The following ICA1 variants were observed in gnomAD, a reference collection of about 807,000 sequenced individuals.
ICA1 encodes islet cell autoantigen 1, also known as 69 kDa islet cell autoantigen.
ICA1 carries 40 observed loss-of-function variants against 71.0 expected under a neutral mutation model. The observed-to-expected ratio is 0.56, with a 90% confidence interval of 0.44 to 0.73. ICA1 has a LOEUF of 0.73. Ranked by LOEUF, ICA1 falls within the 30% of genes least tolerant of loss-of-function variation. The pLI is 0.00. For missense variants in ICA1, 578 were observed against 576.5 expected, an observed-to-expected ratio of 1.00 and a Z score of -0.03; for synonymous variants, 207 against 209.5, an observed-to-expected ratio of 0.99 and a Z score of 0.10.
chr7:8,139,908 C>G (rs953276915), intron 10 of ICA1, among the ~76,000 whole-genome samples: 1 of 152,150 alleles, frequency 6.6e-6, no homozygotes, highest in Non-Finnish European at 1.5e-5. Context: ...TGTTCATTAG[C>G]CTTTCTGCAA....
chr7:8,163,697 G>A (rs1184293500), intron 6 of ICA1, among the ~76,000 whole-genome samples: 1 of 152,196 alleles, frequency 6.6e-6, no homozygotes, highest in East Asian at 1.9e-4. Flanking sequence ...AGGGAGAGAA[G>A]TCCAGTGGAA....
rs1562470280 is a variant in ICA1 at position 8,113,693 on chromosome 7, C to T, written c.*230G>A. On this transcript the variant is annotated 3_prime_UTR_variant, in exon 14 of 14. Transcript: ENST00000402384. This position sits in a 1 kb window ranked among gnomAD's most constrained non-coding sequence, Gnocchi z 4.2. ...AGGCAGGAGAGCGGTGGCCTGGAAA[C>T]CGCTTCTAGACAATCCTGTATTATT... is the stretch of plus-strand genomic sequence containing the variant. 1 of 400,012 alleles carries T rather than the reference C, an allele frequency of 2.5e-6. No homozygotes were observed. The highest frequency in any genetic ancestry group is 2.0e-5 in the African/African-American group (1 of 49,446). The allele number at this position is 400,012 out of a possible 1,614,324, so 24.8% of individuals were successfully genotyped here.
At chr7:8,238,617 C>T (rs544804781) in intron 1 of ICA1, among the ~76,000 whole-genome samples, 2 of 152,134 alleles carry the variant, frequency 1.3e-5, no homozygotes, top group Admixed American at 6.5e-5. Flanking sequence ...ACTCTGTTGA[C>T]TATTTCCTTT....
chr7:8,242,190 A>C (rs1286619290), intron 1 of ICA1, among the ~76,000 whole-genome samples: 5 of 152,352 alleles, frequency 3.3e-5, no homozygotes, highest in African/African-American at 1.2e-4. Context: ...GCAAATGAAA[A>C]AGAACACAAG....
At position 8,185,850 on chromosome 7, in the gene ICA1, T is replaced by C. The variant is rs180768373; in HGVS notation, c.580-27198A>G. 1.7e-4 allele frequency among the ~76,000 whole-genome samples: 26 copies of C among 152,342 alleles called. No homozygotes were observed. The East Asian group carries it at 5.0e-3, about 29-fold the overall frequency. On this transcript the variant is annotated intron_variant, in intron 6 of 13. Transcript: ENST00000402384. The stretch of plus-strand genomic sequence containing the variant: ...GTATATTGATTATACATACAGTGCT[T>C]GGTGCATAGTAAGCACTCAAGAACT...
intron 4 of ICA1, 111 bp from the exon 5 acceptor site, chr7:8,221,509 GA>G: frequency 8.0e-7 from 1 of 1,252,728 alleles, no homozygotes; most frequent in East Asian, 2.5e-5. Context: ...AAGACGAGAT[GA>G]AATTAAATCT....
chr7:8,238,197 C>T (rs1488665804), intron 1 of ICA1, among the ~76,000 whole-genome samples: 1 of 152,144 alleles, frequency 6.6e-6, no homozygotes, highest in African/African-American at 2.4e-5. Context: ...CAGTTCTCTA[C>T]TTAATTTTTT....
At chr7:8,189,604 C>A (rs1191778951) in intron 6 of ICA1, among the ~76,000 whole-genome samples, 3 of 152,140 alleles carry the variant, frequency 2.0e-5, no homozygotes, top group African/African-American at 7.2e-5. Flanking sequence ...CCAGGCCAGG[C>A]CACAAAAGCC....
chr7:8,135,736 G>T (rs546216217), intron 12 of ICA1, among the ~76,000 whole-genome samples: 16 of 152,222 alleles, frequency 1.1e-4, no homozygotes, highest in Non-Finnish European at 2.1e-4. Context: ...AACCAAGGAG[G>T]TAGCAGGAGA....
intron 8 of ICA1, among the ~76,000 whole-genome samples, chr7:8,149,635 C>T (rs932953058): frequency 6.6e-6 from 1 of 152,204 alleles, no homozygotes; most frequent in Non-Finnish European, 1.5e-5. Flanking sequence ...AGGCCAGCAG[C>T]CAGTTCTAAT....
chr7:8,142,883 G>A (rs1255084898), intron 9 of ICA1, among the ~76,000 whole-genome samples: 3 of 152,184 alleles, frequency 2.0e-5, no homozygotes, highest in Non-Finnish European at 4.4e-5. Flanking sequence ...CTGTCCTTCA[G>A]TGAGAACTTG....
At chr7:8,203,810 G>C (rs752114174) in intron 6 of ICA1, among the ~76,000 whole-genome samples, 2 of 152,120 alleles carry the variant, frequency 1.3e-5, no homozygotes, top group Non-Finnish European at 2.9e-5. Flanking sequence ...TAAACCTGTG[G>C]GGCAATTTGC....
chr7:8,168,398 C>A (rs1056521194), intron 6 of ICA1, among the ~76,000 whole-genome samples: 1 of 152,080 alleles, frequency 6.6e-6, no homozygotes, highest in African/African-American at 2.4e-5. Flanking sequence ...AAGAGGAAAT[C>A]GAGACCCAGA....
chr7:8,137,295 A>C (rs1036199833), intron 12 of ICA1, among the ~76,000 whole-genome samples: 16 of 152,234 alleles, frequency 1.1e-4, no homozygotes, highest in African/African-American at 3.6e-4. Context: ...AGAAGGTGAT[A>C]ATAAAAGCAA....
chr7:8,240,791 T>A (rs1024825952), intron 1 of ICA1, among the ~76,000 whole-genome samples: 1 of 151,978 alleles, frequency 6.6e-6, no homozygotes, highest in Non-Finnish European at 1.5e-5. Flanking sequence ...GCTGATTCAA[T>A]CAAGTGGAAG....
chr7:8,139,481 G>C (rs1228842791), intron 10 of ICA1, among the ~76,000 whole-genome samples: 1 of 152,136 alleles, frequency 6.6e-6, no homozygotes, highest in Non-Finnish European at 1.5e-5. Flanking sequence ...AAAACTATGA[G>C]GACAGTAAGA....
At chr7:8,161,101 A>G (rs931721748) in intron 6 of ICA1, among the ~76,000 whole-genome samples, 4 of 152,150 alleles carry the variant, frequency 2.6e-5, no homozygotes, top group Non-Finnish European at 5.9e-5. Flanking sequence ...TCAAGTATGT[A>G]TTCATTCAAC....
In ICA1 at chr7:8,141,851, C is replaced by T. The variant is rs115742328; in HGVS notation, c.903-34G>A. 4,594 of 1,462,506 alleles carry T rather than the reference C, an allele frequency of 3.1e-3. 125 individuals are homozygous for T. The African/African-American group carries it at 0.057, about 18-fold the overall frequency. The allele number at this position is 1,462,506 out of a possible 1,614,324, so 90.6% of individuals were successfully genotyped here. ...AAAAAAGAGGTTTAGTCATCAACTT[C>T]TACCAATGTTATATTTATGATACAG... On this transcript the variant is annotated intron_variant, in intron 9 of 13. Coordinates refer to ENST00000402384, the MANE Select transcript of ICA1 (RefSeq NM_001136020.3).
intron 13 of ICA1, among the ~76,000 whole-genome samples, chr7:8,119,363 G>T (rs114059494): frequency 3.0e-3 from 450 of 152,296 alleles, no homozygotes; most frequent in African/African-American, 0.01. Context: ...ACACTCAGCT[G>T]CAGAGAACAC....
Sources: gnomAD v4.1 joint callset for allele counts (sites outside exome capture counted in the v4.1 genomes callset) on GRCh38, gnomAD v4.1.1 for gene constraint, Gnocchi (gnomAD v3.1) non-coding constraint, MANE v1.5 for transcripts, NCBI Gene and HGNC (gene_info 2026-07-23, HGNC 2026-07-21) for gene names.